The following UBR1 variants were observed in gnomAD, a reference collection of about 807,000 sequenced individuals.
UBR1 encodes E3 ubiquitin-protein ligase UBR1.
A neutral mutation model predicts 242.1 loss-of-function variants in UBR1; 102 were observed. The observed-to-expected ratio is 0.42, with a 90% confidence interval of 0.36 to 0.50. The LOEUF (loss-of-function observed/expected upper bound fraction) is 0.50. UBR1 is among the 20% of genes least tolerant of loss of function. The pLI is 0.01. For missense variants in UBR1, 1,772 were observed against 2,101.8 expected, an observed-to-expected ratio of 0.84 and a Z score of 3.07; for synonymous variants, 675 against 684.8, an observed-to-expected ratio of 0.99 and a Z score of 0.22.
intron 1 of UBR1, among the ~76,000 whole-genome samples, chr15:43,093,370 C>T (rs1488342169): frequency 6.6e-6 from 1 of 152,168 alleles, no homozygotes; most frequent in African/African-American, 2.4e-5. Context: ...GGTAACAAAA[C>T]CTGGAGGCGC....
At chr15:43,012,960 C>T (rs1295351279) in intron 29 of UBR1, among the ~76,000 whole-genome samples, 1 of 152,138 alleles carries the variant, frequency 6.6e-6, no homozygotes, top group Non-Finnish European at 1.5e-5. Context: ...AGCTGGAGTG[C>T]AGTGGCACAA....
intron 2 of UBR1, among the ~76,000 whole-genome samples, chr15:43,082,949 T>C (rs1412313977): frequency 6.6e-6 from 1 of 151,994 alleles, no homozygotes; most frequent in African/African-American, 2.4e-5. Flanking sequence ...GTTTTCTTTC[T>C]GAAATCATTC....
intron 12 of UBR1, among the ~76,000 whole-genome samples, chr15:43,051,682 A>G (rs1470017859): frequency 6.6e-6 from 1 of 152,234 alleles, no homozygotes; most frequent in East Asian, 1.9e-4. Context: ...GGTTTCTAAC[A>G]ATCTCACATA....
At chr15:42,948,314 A>G (rs968119137) in intron 46 of UBR1, among the ~76,000 whole-genome samples, 3 of 151,984 alleles carry the variant, frequency 2.0e-5, no homozygotes, top group African/African-American at 7.2e-5. Flanking sequence ...GTTAGACCTA[A>G]AACCATAAAA....
At chr15:43,052,702 G>A (rs2033571266) in intron 12 of UBR1, among the ~76,000 whole-genome samples, 3 of 152,164 alleles carry the variant, frequency 2.0e-5, no homozygotes, top group Non-Finnish European at 4.4e-5. Context: ...TAGGGAAAGA[G>A]TAAGATGTGA....
rs536992172 is a variant in UBR1, at chr15:42,954,210, GA to G, written c.4836-1763del. 2.7e-3 allele frequency among the ~76,000 whole-genome samples: 407 copies of G among 152,264 alleles called. 1 individual carries two copies. The highest frequency in any genetic ancestry group is 4.7e-3 in the Non-Finnish European group (319 of 68,014). ...AACCTGGTATTCTTAATGCCTGGAA[GA>G]TAATATCTATTCACCAGGCTTTTGT... On this transcript the variant is annotated intron_variant, in intron 44 of 46. Transcript: ENST00000290650.
Position 43,054,802 on chromosome 15 carries a change from T to G in UBR1, c.1379A>C (p.Asn460Thr), listed in dbSNP as rs779007025. The change falls in exon 12 of 47, where the codon AAC (asparagine) becomes ACC (threonine). Residue 460 changes from asparagine to threonine, a missense_variant. Physicochemically the swap from Asn to Thr is moderately conservative, Grantham distance 65. Coordinates refer to ENST00000290650, the MANE Select transcript of UBR1 (RefSeq NM_174916.3). Reference sequence around the variant, plus strand: ...TTTGTCCTGGCTATAACCCTGGAAGTTGAATTTATTGTTCCTGTCCAAGTA... The same window carrying G: ...TTTGTCCTGGCTATAACCCTGGAAGGTGAATTTATTGTTCCTGTCCAAGTA... ...PEYLDRNNKF[N>T]FQGYSQDKLG... 3.1e-6 allele frequency: 5 copies of G among 1,614,058 alleles called. No homozygotes were observed.
chr15:42,955,155 G>A (rs1299441131), intron 44 of UBR1, among the ~76,000 whole-genome samples: 6 of 152,138 alleles, frequency 3.9e-5, no homozygotes, highest in Non-Finnish European at 7.4e-5. Context: ...AACAGAGCGA[G>A]ACTCTGTCTC....
intron 44 of UBR1, among the ~76,000 whole-genome samples, chr15:42,955,624 A>G (rs2031906117): frequency 6.6e-6 from 1 of 152,208 alleles, no homozygotes; most frequent in Non-Finnish European, 1.5e-5. Context: ...ACATAGTTAC[A>G]TCAACAGAAG....
At chr15:42,989,619 C>T (rs2032525446) in intron 34 of UBR1, among the ~76,000 whole-genome samples, 1 of 152,130 alleles carries the variant, frequency 6.6e-6, no homozygotes, top group Non-Finnish European at 1.5e-5. Context: ...GCCATTGCCT[C>T]AATTTTACAT....
chr15:43,084,942 A>G (rs1282367705), intron 2 of UBR1, among the ~76,000 whole-genome samples: 2 of 152,244 alleles, frequency 1.3e-5, no homozygotes, highest in Middle Eastern at 3.2e-3. Context: ...CTAAATTTCA[A>G]ATTTCAGGCA....
chr15:43,059,711 T>G lies in UBR1; in HGVS notation c.976A>C (p.Ser326Arg), dbSNP rs1446472380. 1 of 1,613,860 alleles carries G rather than the reference T, an allele frequency of 6.2e-7. No individual in the cohort carries two copies. Among genetic ancestry groups the G allele is most frequent in the Non-Finnish European group, 8.5e-7 (1 of 1,179,994 alleles). ...CAGGAGGTATGCTTACTTGAATAGC[T>G]CATAATTTTGTTCATCCAGGAACCA... ...RLGSWMNKIMSYSSDFRQIFC... is the reference protein window; with the variant it reads ...RLGSWMNKIMRYSSDFRQIFC... Residue 326 changes from serine (S) to arginine (R), a missense_variant, in exon 8 of 47, where the codon AGC becomes CGC. Physicochemically the swap from Ser to Arg is moderately radical, Grantham distance 110. This residue lies in a region of UBR1 where 734 missense variants were observed against 893.3 expected (regional missense o/e 0.82). Transcript: ENST00000290650.
At chr15:42,984,347 G>C (rs1476217220) in intron 36 of UBR1, among the ~76,000 whole-genome samples, 1 of 152,138 alleles carries the variant, frequency 6.6e-6, no homozygotes, top group African/African-American at 2.4e-5. Context: ...GGGAAGGAAT[G>C]GCAACCTCAA....
intron 44 of UBR1, among the ~76,000 whole-genome samples, chr15:42,957,399 C>T (rs897215350): frequency 2.0e-5 from 3 of 152,014 alleles, no homozygotes; most frequent in Admixed American, 1.3e-4. Flanking sequence ...TTAGTGAGTA[C>T]AAGGTGACGA....
chr15:43,048,573 G>T lies in UBR1; in HGVS notation c.1440-82C>A, dbSNP rs918165121. The T allele has an allele frequency of 6.4e-6, 7 of 1,085,886 alleles. No individual in the cohort carries two copies. In the Admixed American group the frequency reaches 1.6e-4, roughly 24 times the overall value. The allele number at this position is 1,085,886 out of a possible 1,614,324, so 67.3% of individuals were successfully genotyped here. A position where few individuals can be genotyped will look rare whatever the true frequency, so the allele number is the denominator to read the frequency against. ...GGTTCTCAGGGTTATAGACAATGTTGATTTATAAAAATTATGGATTCTAAT... is the reference window on the plus strand; with the variant it reads ...GGTTCTCAGGGTTATAGACAATGTTTATTTATAAAAATTATGGATTCTAAT... On this transcript the variant is annotated intron_variant, in intron 12 of 46. Coordinates refer to ENST00000290650, the MANE Select transcript of UBR1 (RefSeq NM_174916.3).
At chr15:42,958,465 T>C (rs1328354528) in intron 43 of UBR1, among the ~76,000 whole-genome samples, 1 of 152,178 alleles carries the variant, frequency 6.6e-6, no homozygotes, top group Non-Finnish European at 1.5e-5. Context: ...TATTTCCCTG[T>C]CTGTAAACTA....
rs1252787304 is a variant in UBR1, at chr15:43,015,738, G to T, written c.3159C>A (p.Asp1053Glu). The T allele has an allele frequency of 6.2e-7, 1 of 1,613,796 alleles. No individual in the cohort carries two copies. The highest frequency in any genetic ancestry group is 1.3e-5 in the African/African-American group (1 of 74,884). The change falls in exon 29 of 47, where the codon GAC (aspartate) becomes GAA (glutamate). Residue 1053 changes from aspartate (D) to glutamate (E), a missense_variant. Physicochemically the swap from Asp to Glu is conservative, Grantham distance 45. Transcript: ENST00000290650. ...NFIETHKLMYDNTSEMPGKED... is the reference protein window; with the variant it reads ...NFIETHKLMYENTSEMPGKED... ...CTTTCCCAGGCATTTCTGATGTATTGTCATACATGAGTTTATGAGTTTCAA... is the reference window on the plus strand; with the variant it reads ...CTTTCCCAGGCATTTCTGATGTATTTTCATACATGAGTTTATGAGTTTCAA...
Position 43,015,900 on chromosome 15 carries a change from A to C in UBR1, c.3028-31T>G, listed in dbSNP as rs1203624950. The C allele has an allele frequency of 1.9e-6, 3 of 1,603,510 alleles. No homozygotes were observed. The East Asian group carries it at 6.7e-5, about 36-fold the overall frequency. On this transcript the variant is annotated intron_variant, in intron 28 of 46. Coordinates refer to ENST00000290650, the MANE Select transcript of UBR1 (RefSeq NM_174916.3). ...TATTAAGAAATGACAAATTTAGGTAAGATCCACTGTTAAACATTTATATAC... is the reference window on the plus strand; with the variant it reads ...TATTAAGAAATGACAAATTTAGGTACGATCCACTGTTAAACATTTATATAC...
At chr15:42,961,476 T>G (rs915815054) in intron 42 of UBR1, among the ~76,000 whole-genome samples, 1 of 147,774 alleles carries the variant, frequency 6.8e-6, no homozygotes, top group Non-Finnish European at 1.5e-5. Context: ...CAGGCTGGAG[T>G]GCAATGGCGC....
Sources: gnomAD v4.1 joint callset for allele counts (sites outside exome capture counted in the v4.1 genomes callset) on GRCh38, gnomAD v4.1.1 for gene constraint, gnomAD v4.1.1 regional missense constraint, MANE v1.5 for transcripts, NCBI Gene and HGNC (gene_info 2026-07-23, HGNC 2026-07-21) for gene names.